The following RARG variants were observed in gnomAD, a reference collection of about 807,000 sequenced individuals.
The protein encoded by RARG is RAR-gamma.
In RARG, 17 loss-of-function variants were observed where a neutral mutation model predicts 43.7. The ratio of observed to expected loss-of-function variants is 0.39; its 90% CI spans 0.27 to 0.58. RARG has a LOEUF of 0.58. RARG is among the 20% of genes least tolerant of loss of function. The pLI, the probability that RARG is intolerant of heterozygous loss-of-function variation, is 0.57. For missense variants in RARG, 346 were observed against 598.7 expected, an observed-to-expected ratio of 0.58 and a Z score of 4.40; for synonymous variants, 238 against 236.4, an observed-to-expected ratio of 1.01 and a Z score of -0.06.
chr12:53,213,641 C>A lies in RARG; in HGVS notation c.873G>T (p.Gly291=). ...PEQDTMTFSD[G]LTLNRTQMHN... ...GCATCTGGGTCCGGTTCAGGGTCAG[C>A]CCGTCGGAGAAGGTCATGGTGTCCT... The change falls in exon 8 of 10, where the codon GGG becomes GGT. Residue 291 remains glycine, a synonymous_variant. Coordinates refer to ENST00000425354, the MANE Select transcript of RARG (RefSeq NM_000966.6). This position sits in a 1 kb window ranked among gnomAD's most constrained non-coding sequence, Gnocchi z 4.7. 1 of 1,613,994 alleles carries A rather than the reference C, an allele frequency of 6.2e-7. No homozygotes were observed. Among genetic ancestry groups the A allele is most frequent in the Non-Finnish European group, 8.5e-7 (1 of 1,179,914 alleles).
chr12:53,212,698 AAAGC>A (rs950861699), intron 9 of RARG, among the ~76,000 whole-genome samples: 1 of 151,934 alleles, frequency 6.6e-6, no homozygotes, highest in African/African-American at 2.4e-5. Flanking sequence ...TTAAAAAAGT[AAAGC>A]AATTTGCCCA....
Position 53,214,040 on chromosome 12 carries a change from C to T in RARG, c.813+19G>A, listed in dbSNP as rs772810132. 6.3e-7 allele frequency: 1 copy of T among 1,591,012 alleles called. No individual in the cohort carries two copies. Among genetic ancestry groups the T allele is most frequent in the Non-Finnish European group, 8.5e-7 (1 of 1,169,978 alleles). On this transcript the variant is annotated intron_variant, in intron 7 of 9. Transcript: ENST00000425354. ...ATATGTGGGTCGGGCTGTGGCAGGACCCACAGGGCCTAACTTACCAGGATA... is the reference window on the plus strand; with the variant it reads ...ATATGTGGGTCGGGCTGTGGCAGGATCCACAGGGCCTAACTTACCAGGATA...
intron 3 of RARG, chr12:53,219,807 C>A: frequency 5.6e-6 from 4 of 708,130 alleles, no homozygotes; most frequent in South Asian, 2.9e-5. Flanking sequence ...GACGCTGAGG[C>A]CCCCACGTTT....
rs1405598490 is a variant in RARG, at chr12:53,232,073, G to A, written c.-309C>T. 1 of 398,592 alleles carries A rather than the reference G, an allele frequency of 2.5e-6. No homozygotes were observed. 24.7% of individuals were successfully genotyped at this position (398,592 alleles called of 1,614,324 possible). A position where few individuals can be genotyped will look rare whatever the true frequency, so the allele number is the denominator to read the frequency against. Reference sequence around the variant, plus strand: ...GCAATGTCCGGGGCTCGCCGTACTGGGGGGCTCCTGGGGGGGCACGGCTCT... The same window carrying A: ...GCAATGTCCGGGGCTCGCCGTACTGAGGGGCTCCTGGGGGGGCACGGCTCT... On this transcript the variant is annotated 5_prime_UTR_variant, in exon 1 of 10. Transcript: ENST00000425354.
chr12:53,226,037 GCA>G (rs1267328485), intron 3 of RARG, among the ~76,000 whole-genome samples: 1 of 152,210 alleles, frequency 6.6e-6, no homozygotes, highest in African/African-American at 2.4e-5. Context: ...GAACCAAGAA[GCA>G]CAGTCTCCTG....
In RARG at chr12:53,212,737, T is replaced by TATACAC. The variant is rs1272930364; in HGVS notation, c.1177+347_1177+348insGTGTAT. ...AAGACTTTGTCTCTAAATATATATA[T>TATACAC]ACACACACACACACACACACACACA... On this transcript the variant is annotated intron_variant, in intron 9 of 9. Coordinates refer to ENST00000425354, the MANE Select transcript of RARG (RefSeq NM_000966.6). Among the ~76,000 whole-genome samples, 282 of 133,744 alleles carry TATACAC rather than the reference T, an allele frequency of 2.1e-3. 2 individuals carry two copies. The highest frequency in any genetic ancestry group is 0.014 in the South Asian group (53 of 3,848). 87.7% of individuals were successfully genotyped at this position (133,744 alleles called of 152,430 possible).
intron 3 of RARG, among the ~76,000 whole-genome samples, chr12:53,219,594 C>A (rs1478464874): frequency 6.6e-6 from 1 of 152,220 alleles, no homozygotes; most frequent in East Asian, 1.9e-4. Flanking sequence ...CTGCCAGCTT[C>A]CCACATGGGC....
At chr12:53,212,353 G>T (rs1365140989) in intron 9 of RARG, among the ~76,000 whole-genome samples, 1 of 152,210 alleles carries the variant, frequency 6.6e-6, no homozygotes, top group African/African-American at 2.4e-5. Flanking sequence ...TGTGACTACT[G>T]CAACTGCAGA....
intron 9 of RARG, among the ~76,000 whole-genome samples, chr12:53,212,093 C>T (rs1456318102): frequency 2.0e-5 from 3 of 152,224 alleles, no homozygotes; most frequent in Non-Finnish European, 4.4e-5. Context: ...CCCATTCATC[C>T]CATTCTTTCA....
rs931806007 is a variant in RARG, at chr12:53,227,120, C to G, written c.184+242G>C. Among the ~76,000 whole-genome samples, 5 of 146,720 alleles carry G rather than the reference C, an allele frequency of 3.4e-5. No individual in the cohort carries two copies. Among genetic ancestry groups the G allele is most frequent in the African/African-American group, 1.4e-4 (5 of 36,960 alleles). On this transcript the variant is annotated intron_variant, in intron 3 of 9. Transcript: ENST00000425354. This position sits in a 1 kb window ranked among gnomAD's most constrained non-coding sequence, Gnocchi z 4.3. Reference sequence around the variant, plus strand: ...AGATACCCACCCCCCAAGTTTTAGGCCTGCTACCTCCCTATCCTATTTGAC... The same window carrying G: ...AGATACCCACCCCCCAAGTTTTAGGGCTGCTACCTCCCTATCCTATTTGAC...
chr12:53,219,849 G>A, intron 3 of RARG: 1 of 1,161,992 alleles, frequency 8.6e-7, no homozygotes, highest in Non-Finnish European at 1.2e-6. Flanking sequence ...GAAAGGGCCA[G>A]AAGCTCCTCC....
chr12:53,226,517 G>A (rs1023339261), intron 3 of RARG, among the ~76,000 whole-genome samples: 19 of 152,148 alleles, frequency 1.2e-4, no homozygotes, highest in Admixed American at 1.2e-3. Context: ...TAAAGACGGG[G>A]TTTCACTATG....
At position 53,213,794 on chromosome 12, in the gene RARG, A is replaced by G; in HGVS notation, c.814-94T>C. ...AAGTGAGGAGGTTAGGTCCCCAGTG[A>G]GTGCAACCTGAAGCAGGCATGGAGA... On this transcript the variant is annotated intron_variant, in intron 7 of 9. Transcript: ENST00000425354. The surrounding 1 kb of genome is among the most constrained non-coding windows in gnomAD (Gnocchi z 4.7). 1 of 1,322,538 alleles carries G rather than the reference A, an allele frequency of 7.6e-7. No homozygotes were observed. Among genetic ancestry groups the G allele is most frequent in the Non-Finnish European group, 1.1e-6 (1 of 941,100 alleles). 81.9% of individuals were successfully genotyped at this position (1,322,538 alleles called of 1,614,324 possible).
In RARG at chr12:53,211,585, C is replaced by G; in HGVS notation, c.*91G>C. ...TGGAAGGGGTGGGGAGAGGGCAGAG[C>G]AGGTCCTCCCCCAGTCACTGGCGGT... On this transcript the variant is annotated 3_prime_UTR_variant, in exon 10 of 10. Coordinates refer to ENST00000425354, the MANE Select transcript of RARG (RefSeq NM_000966.6). This position sits in a 1 kb window ranked among gnomAD's most constrained non-coding sequence, Gnocchi z 4.6. The G allele has an allele frequency of 8.3e-7, 1 of 1,202,656 alleles. No homozygotes were observed. The highest frequency in any genetic ancestry group is 1.1e-6 in the Non-Finnish European group (1 of 914,470). 74.5% of individuals were successfully genotyped at this position (1,202,656 alleles called of 1,614,324 possible). A position where few individuals can be genotyped will look rare whatever the true frequency, so the allele number is the denominator to read the frequency against.
chr12:53,217,119 C>T (rs1051325877), intron 3 of RARG, among the ~76,000 whole-genome samples: 1 of 152,094 alleles, frequency 6.6e-6, no homozygotes, highest in Non-Finnish European at 1.5e-5. Context: ...CTCCACCCAC[C>T]CCACAGGAGG....
intron 2 of RARG, among the ~76,000 whole-genome samples, chr12:53,228,161 T>C (rs1943152907): frequency 6.6e-6 from 1 of 152,164 alleles, no homozygotes; most frequent in South Asian, 2.1e-4. Flanking sequence ...AACTCTGTTA[T>C]AACCTGGGAG....
At position 53,215,224 on chromosome 12, in the gene RARG, G is replaced by T; in HGVS notation, c.475+69C>A. On this transcript the variant is annotated intron_variant, in intron 5 of 9. Coordinates refer to ENST00000425354, the MANE Select transcript of RARG (RefSeq NM_000966.6). The surrounding 1 kb of genome is among the most constrained non-coding windows in gnomAD (Gnocchi z 6.4). Reference sequence around the variant, plus strand: ...GAGGTCAGGGAAGTGGGAGTGGCCAGAGGAAAGAGGGCCACAGCCATAGGG... The same window carrying T: ...GAGGTCAGGGAAGTGGGAGTGGCCATAGGAAAGAGGGCCACAGCCATAGGG... 6.4e-7 allele frequency: 1 copy of T among 1,571,280 alleles called. No homozygotes were observed. The highest frequency in any genetic ancestry group is 8.7e-7 in the Non-Finnish European group (1 of 1,155,016).
In RARG at chr12:53,215,758, A is replaced by C; in HGVS notation, c.221T>G (p.Val74Gly). The C allele has an allele frequency of 6.2e-7, 1 of 1,612,676 alleles. No homozygotes were observed. Among genetic ancestry groups the C allele is most frequent in the Non-Finnish European group, 8.5e-7 (1 of 1,179,608 alleles). The change falls in exon 4 of 10, where the codon GTG becomes GGG. Residue 74 changes from valine to glycine, a missense_variant. Physicochemically the swap from Val to Gly is moderately radical, Grantham distance 109. Transcript: ENST00000425354. The surrounding 1 kb of genome is among the most constrained non-coding windows in gnomAD (Gnocchi z 6.4). ...CGGAGGGGGCGAGGGCGAGCTGGGC[A>C]CCATCTCCTCTGAGCTGGTGCTCTG... ...ETQSTSSEEMVPSSPSPPPPP... is the reference protein window; with the variant it reads ...ETQSTSSEEMGPSSPSPPPPP...
At chr12:53,230,857 G>C (rs908014287) in intron 2 of RARG, among the ~76,000 whole-genome samples, 7 of 151,422 alleles carry the variant, frequency 4.6e-5, no homozygotes, top group Non-Finnish European at 8.9e-5. Flanking sequence ...GTGTGTGTGT[G>C]TGTGTGTGTG....
Sources: gnomAD v4.1 joint callset for allele counts (sites outside exome capture counted in the v4.1 genomes callset) on GRCh38, gnomAD v4.1.1 for gene constraint, Gnocchi (gnomAD v3.1) non-coding constraint, MANE v1.5 for transcripts, NCBI Gene and HGNC (gene_info 2026-07-23, HGNC 2026-07-21) for gene names.